Variants in ZNF211 observed in about 807,000 individuals in gnomAD.
ZNF211 encodes zinc finger protein C2H2-25.
ZNF211 carries 18 observed loss-of-function variants against 12.1 expected under a neutral mutation model. The observed-to-expected ratio is 1.48, with a 90% CI of 1.03 to 2.20. The LOEUF is 2.20. Among genes scored for constraint, ZNF211 ranks in the 30% most tolerant of loss-of-function variants. The pLI is 0.00. For missense variants in ZNF211, 677 were observed against 703.1 expected (o/e 0.96, Z 0.42); for synonymous variants, 249 against 246.0 (o/e 1.01, Z -0.11).
At chr19:57,634,087 A>G (rs1981824641) in intron 2 of ZNF211, 26 bp downstream of exon 2, 1 of 1,549,610 alleles carries the variant, frequency 6.5e-7, no homozygotes, top group Non-Finnish European at 8.7e-7. Context: ...TCAGCCCCTC[A>G]CTGGTCTGGA....
intron 2 of ZNF211, chr19:57,634,346 G>C (rs1274177405): frequency 4.3e-6 from 2 of 463,230 alleles, no homozygotes; most frequent in Non-Finnish European, 3.7e-6. Flanking sequence ...GGGAACTGCA[G>C]GTTTCCTTTA....
chr19:57,641,023 T>C lies in ZNF211; in HGVS notation c.576T>C (p.His192=). The C allele has an allele frequency of 6.2e-7, 1 of 1,614,224 alleles. No individual in the cohort carries two copies. Among genetic ancestry groups the C allele is most frequent in the Middle Eastern group, 1.6e-4 (1 of 6,062 alleles). The change falls in exon 4 of 4, where the codon CAT becomes CAC. Residue 192 remains histidine, a synonymous_variant. Transcript: ENST00000240731. ...CGTTTACACAGAGTTGCATAGTCCA[T>C]GTGTCGGAGAAACCCTTTACCTGCA... ...TASFTQSCIV[H]VSEKPFTCRE... is the part of the protein sequence containing the mutation.
In ZNF211 at chr19:57,641,475, G is replaced by A; in HGVS notation, c.1028G>A (p.Ser343Asn). 1 of 1,610,676 alleles carries A rather than the reference G, an allele frequency of 6.2e-7. No individual in the cohort carries two copies. Among genetic ancestry groups the A allele is most frequent in the Admixed American group, 1.7e-5 (1 of 59,856 alleles). Residue 343 changes from serine to asparagine, a missense_variant, in exon 4 of 4, where the codon AGC becomes AAC. By Grantham distance (46) the Ser-to-Asn change is conservative. Transcript: ENST00000240731. ...TTTAGTCAGATATACAGCCTCAATAGCCATAGGAAAGTTCACACTGGAGAA... is the reference window on the plus strand; with the variant it reads ...TTTAGTCAGATATACAGCCTCAATAACCATAGGAAAGTTCACACTGGAGAA... Reference protein sequence around the residue: ...KSFSQIYSLNSHRKVHTGERP... With the variant: ...KSFSQIYSLNNHRKVHTGERP...
At chr19:57,639,304 G>A (rs529941809) in intron 3 of ZNF211, among the ~76,000 whole-genome samples, 7 of 131,642 alleles carry the variant, frequency 5.3e-5, no homozygotes, top group African/African-American at 1.4e-4. Flanking sequence ...TAGCCTTATA[G>A]CTTTTTTGAT....
intron 1 of ZNF211, 71 bp downstream of exon 1, chr19:57,633,507 G>A (rs943925557): frequency 1.9e-5 from 29 of 1,517,682 alleles, no homozygotes; most frequent in East Asian, 1.4e-4. Flanking sequence ...ACCAGCTCAC[G>A]TCTCTGTAGC....
chr19:57,634,505 A>G (rs1981886244), intron 2 of ZNF211, 124 bp from the exon 3 acceptor site: 6 of 1,187,740 alleles, frequency 5.1e-6, no homozygotes, highest in Admixed American at 2.7e-5. Context: ...AGCAGGGATC[A>G]ATGACACCAA....
rs759033392 is a variant in ZNF211, at chr19:57,633,479, A to C, written c.90+43A>C. The C allele has an allele frequency of 6.4e-6, 10 of 1,552,830 alleles. No individual in the cohort carries two copies. In the Admixed American group the frequency reaches 1.7e-4, roughly 27 times the overall value. The stretch of plus-strand genomic sequence containing the variant: ...CGGGCCTCCCCCGGCCGAGATTCTT[A>C]AGTCCCAAGTGAGAGGCACCAGCTC... On this transcript the variant is annotated intron_variant, in intron 1 of 3. Transcript: ENST00000240731.
chr19:57,637,136 A>G (rs906826924), intron 3 of ZNF211, among the ~76,000 whole-genome samples: 14 of 152,134 alleles, frequency 9.2e-5, no homozygotes. Flanking sequence ...GAGCAGGGAT[A>G]ATTTTACTCC....
Position 57,633,454 on chromosome 19 carries a change from CG to C in ZNF211, c.90+21del. The C allele has an allele frequency of 6.3e-7, 1 of 1,583,640 alleles. No individual in the cohort carries two copies. Among genetic ancestry groups the C allele is most frequent in the Non-Finnish European group, 8.5e-7 (1 of 1,171,108 alleles). On this transcript the variant is annotated intron_variant, in intron 1 of 3. Coordinates refer to ENST00000240731, the MANE Select transcript of ZNF211 (RefSeq NM_006385.5). Reference sequence around the variant, plus strand: ...CGGCTTCGGTGAGCGCTGCGATCTCCGGGCCTCCCCCGGCCGAGATTCTTAA... The same window carrying C: ...CGGCTTCGGTGAGCGCTGCGATCTCCGGCCTCCCCCGGCCGAGATTCTTAA...
At chr19:57,636,248 A>G (rs1164439318) in intron 3 of ZNF211, among the ~76,000 whole-genome samples, 2 of 152,112 alleles carry the variant, frequency 1.3e-5, no homozygotes, top group African/African-American at 4.8e-5. Context: ...CATTTTGATG[A>G]ATTCAGTTTT....
chr19:57,634,208 T>C (rs1981851044), intron 2 of ZNF211, 147 bp downstream of exon 2: 7 of 861,558 alleles, frequency 8.1e-6, no homozygotes, highest in Middle Eastern at 7.4e-4. Context: ...ATCCCTGAGC[T>C]AAGGGCCCTG....
rs1346515613 is a variant in ZNF211 at position 57,643,978 on chromosome 19, T to C, written c.*1797T>C. ...TATGGATATACTATTTGTTATCCAT[T>C]TGTTTATAAGCATTTAGGTTTTATC... On this transcript the variant is annotated 3_prime_UTR_variant, in exon 4 of 4. Transcript: ENST00000240731. Among the ~76,000 whole-genome samples, 5 of 152,246 alleles carry C rather than the reference T, an allele frequency of 3.3e-5. No homozygotes were observed. The highest frequency in any genetic ancestry group is 5.9e-5 in the Non-Finnish European group (4 of 68,044).
intron 3 of ZNF211, chr19:57,639,972 T>C: frequency 6.8e-7 from 1 of 1,468,254 alleles, no homozygotes; most frequent in Non-Finnish European, 9.0e-7. Context: ...GTGCCCTCTG[T>C]TCTTCACAGG....
At chr19:57,635,709 A>T (rs1044723448) in intron 3 of ZNF211, among the ~76,000 whole-genome samples, 6 of 152,196 alleles carry the variant, frequency 3.9e-5, no homozygotes, top group African/African-American at 1.4e-4. Context: ...GTGTACAGAT[A>T]CGTATTTGTG....
chr19:57,637,049 C>T (rs1367133339), intron 3 of ZNF211, among the ~76,000 whole-genome samples: 2 of 152,054 alleles, frequency 1.3e-5, no homozygotes, highest in Non-Finnish European at 1.5e-5. Context: ...TTTATATTCT[C>T]CTATTTGCTG....
rs769369443 is a variant in ZNF211, at chr19:57,633,895, G to A, written c.91-128G>A. 11 of 1,608,038 alleles carry A rather than the reference G, an allele frequency of 6.8e-6. No individual in the cohort carries two copies. In the Admixed American group the frequency reaches 8.3e-5, roughly 12 times the overall value. On this transcript the variant is annotated intron_variant, in intron 1 of 3. Coordinates refer to ENST00000240731, the MANE Select transcript of ZNF211 (RefSeq NM_006385.5). ...CTGGTGAGAGGCAGCACTAAGGACC[G>A]AGGCGCACAGGTTAGACAGTCGACC...
Position 57,641,190 on chromosome 19 carries a change from G to A in ZNF211, c.743G>A (p.Ser248Asn), listed in dbSNP as rs758190127. 16 of 1,614,110 alleles carry A rather than the reference G, an allele frequency of 9.9e-6. No homozygotes were observed. In the Admixed American group the frequency reaches 2.2e-4, roughly 22 times the overall value. The part of the protein sequence containing the change: ...GKSHHNWGKC[S>N]KAFSHIDTLV... The stretch of plus-strand genomic sequence containing the variant: ...AGTCATCACAACTGGGGAAAATGCA[G>A]TAAAGCCTTTAGCCACATAGACACA... The change falls in exon 4 of 4, where the codon AGT becomes AAT. Residue 248 changes from serine to asparagine, a missense_variant. By Grantham distance (46) the Ser-to-Asn change is conservative (BLOSUM62 1). Coordinates refer to ENST00000240731, the MANE Select transcript of ZNF211 (RefSeq NM_006385.5).
rs1983133185 is a variant in ZNF211, at chr19:57,642,691, C to T, written c.*510C>T. The T allele has an allele frequency of 1.3e-5, 2 of 153,656 alleles. No homozygotes were observed. The highest frequency in any genetic ancestry group is 4.8e-5 in the African/African-American group (2 of 41,474). The allele number at this position is 153,656 out of a possible 1,614,324, so 9.5% of individuals were successfully genotyped here. ...ACCTCCATGGATTTTTTTCCAGCCT[C>T]TAAGTCACCAACTTGGGAACTGCTT... On this transcript the variant is annotated 3_prime_UTR_variant, in exon 4 of 4. Transcript: ENST00000240731.
intron 3 of ZNF211, among the ~76,000 whole-genome samples, chr19:57,637,566 T>C (rs1380838533): frequency 6.6e-6 from 1 of 152,200 alleles, no homozygotes; most frequent in Non-Finnish European, 1.5e-5. Flanking sequence ...TTTTTGTTTG[T>C]TGAACCATCC....
Sources: gnomAD v4.1 joint callset for allele counts (sites outside exome capture counted in the v4.1 genomes callset) on GRCh38, gnomAD v4.1.1 for gene constraint, MANE v1.5 for transcripts, NCBI Gene and HGNC (gene_info 2026-07-23, HGNC 2026-07-21) for gene names.